TGFBR3: variants seen among roughly 807,000 people sequenced by gnomAD.
TGFBR3 encodes the protein transforming growth factor beta receptor 3.
In TGFBR3, 46 loss-of-function variants were observed where a neutral mutation model predicts 87.9. The ratio of observed to expected loss-of-function variants is 0.52; its 90% CI spans 0.41 to 0.67. TGFBR3 has a LOEUF of 0.67. Among genes scored for constraint, TGFBR3 ranks in the 30% least tolerant of loss-of-function variants. The probability of loss-of-function intolerance (pLI) is 0.00; values close to 1 mark genes in which losing one functional copy is unlikely to be tolerated. For synonymous variants in TGFBR3, 381 were observed against 391.6 expected (o/e 0.97, Z 0.32); for missense variants, 866 against 1,041.9 (o/e 0.83, Z 2.32).
At chr1:91,863,652 T>C (rs148764438) in intron 1 of TGFBR3, among the ~76,000 whole-genome samples, 12 of 152,324 alleles carry the variant, frequency 7.9e-5, no homozygotes, top group Middle Eastern at 3.4e-3. Flanking sequence ...GTTCAATCTT[T>C]TGTTTACTGA....
chr1:91,837,643 C>T (rs559018390), intron 2 of TGFBR3, among the ~76,000 whole-genome samples: 12 of 152,290 alleles, frequency 7.9e-5, no homozygotes, highest in African/African-American at 2.9e-4. Flanking sequence ...TATGTAAATA[C>T]TTACAAATAT....
At chr1:91,901,165 A>T (rs1679710614) in intron 1 of TGFBR3, among the ~76,000 whole-genome samples, 1 of 152,080 alleles carries the variant, frequency 6.6e-6, no homozygotes, top group African/African-American at 2.4e-5. Flanking sequence ...AACACTTGTT[A>T]TTTTCTGTGG....
chr1:91,735,684 A>G (rs1672944027), intron 4 of TGFBR3, among the ~76,000 whole-genome samples: 1 of 152,234 alleles, frequency 6.6e-6, no homozygotes, highest in South Asian at 2.1e-4. Flanking sequence ...ATGTATTTAG[A>G]CCACTGCTGA....
At chr1:91,894,946 T>A (rs1679523456) in intron 2 of TGFBR3, among the ~76,000 whole-genome samples, 1 of 152,106 alleles carries the variant, frequency 6.6e-6, no homozygotes, top group Admixed American at 6.5e-5. Context: ...AATTTTTTGT[T>A]TTTTTAGTAG....
At chr1:91,859,058 C>G (rs1325077120) in intron 2 of TGFBR3, among the ~76,000 whole-genome samples, 1 of 127,912 alleles carries the variant, frequency 7.8e-6, no homozygotes, top group Non-Finnish European at 1.7e-5. Flanking sequence ...GACTCTGTAT[C>G]AAAAAAAAAA....
At chr1:91,833,295 C>CAAAAAAAA (rs33915205) in intron 2 of TGFBR3, among the ~76,000 whole-genome samples, 1 of 32,040 alleles carries the variant, frequency 3.1e-5, no homozygotes, top group Non-Finnish European at 5.3e-5. Flanking sequence ...GACTCCGACT[C>CAAAAAAAA]AAAAAAAAAA....
chr1:91,776,583 AAAT>A (rs1674574068), intron 3 of TGFBR3, among the ~76,000 whole-genome samples: 1 of 152,186 alleles, frequency 6.6e-6, no homozygotes, highest in African/African-American at 2.4e-5. Flanking sequence ...TGAAAAAAAC[AAAT>A]AAAATGCCAG....
chr1:91,806,373 G>A (rs1363167389), intron 2 of TGFBR3, among the ~76,000 whole-genome samples: 5 of 152,150 alleles, frequency 3.3e-5, no homozygotes, highest in Non-Finnish European at 5.9e-5. Flanking sequence ...CGCAGACAAA[G>A]CATTTGGGAA....
chr1:91,903,554 G>A (rs1372226430), intron 1 of TGFBR3, among the ~76,000 whole-genome samples: 4 of 151,400 alleles, frequency 2.6e-5, no homozygotes, highest in East Asian at 2.0e-4. Context: ...ACCAGCCCAG[G>A]CAACATACTG....
intron 3 of TGFBR3, among the ~76,000 whole-genome samples, chr1:91,762,840 TTC>T (rs1253760558): frequency 1.3e-5 from 2 of 152,232 alleles, no homozygotes; most frequent in African/African-American, 4.8e-5. Flanking sequence ...AAAGCAGATC[TTC>T]TGAGTGTTTT....
chr1:91,717,319 C>G (rs1183454370), intron 10 of TGFBR3, among the ~76,000 whole-genome samples: 1 of 152,198 alleles, frequency 6.6e-6, no homozygotes, highest in Admixed American at 6.5e-5. Context: ...TCTTGTACCC[C>G]TCTAACTTTT....
At chr1:91,695,013 C>T (rs1671381279) in intron 16 of TGFBR3, among the ~76,000 whole-genome samples, 1 of 151,812 alleles carries the variant, frequency 6.6e-6, no homozygotes, top group Non-Finnish European at 1.5e-5. Flanking sequence ...TCTCATCAGG[C>T]TAGTATGTTT....
At chr1:91,754,280 T>TG (rs1453717404) in intron 4 of TGFBR3, among the ~76,000 whole-genome samples, 1 of 152,212 alleles carries the variant, frequency 6.6e-6, no homozygotes, top group East Asian at 1.9e-4. Context: ...ACTTTTTTTT[T>TG]CAGTGTAGAA....
At chr1:91,869,685 A>G (rs1331843716) in intron 1 of TGFBR3, among the ~76,000 whole-genome samples, 4 of 152,216 alleles carry the variant, frequency 2.6e-5, no homozygotes, top group African/African-American at 9.6e-5. Flanking sequence ...AAAAGAAAAA[A>G]TAGTACAGCA....
At chr1:91,851,112 G>C (rs985194156) in intron 2 of TGFBR3, among the ~76,000 whole-genome samples, 2 of 152,114 alleles carry the variant, frequency 1.3e-5, no homozygotes, top group East Asian at 1.9e-4. Flanking sequence ...TTTGAAGGTA[G>C]TAAAATTTTC....
chr1:91,893,382 T>A (rs1264640096), intron 2 of TGFBR3, among the ~76,000 whole-genome samples: 6 of 152,232 alleles, frequency 3.9e-5, no homozygotes, highest in African/African-American at 1.4e-4. Flanking sequence ...CCTCCCGGGT[T>A]CAAGCAATTC....
chr1:91,835,609 A>G (rs1232027656), intron 2 of TGFBR3, among the ~76,000 whole-genome samples: 1 of 151,946 alleles, frequency 6.6e-6, no homozygotes, highest in Admixed American at 6.6e-5. Flanking sequence ...TGGGCAGATC[A>G]TGAGGTCAGG....
At chr1:91,902,268 C>CTT (rs141866290) in intron 1 of TGFBR3, among the ~76,000 whole-genome samples, 15,816 of 125,200 alleles carry the variant, frequency 0.13, 1,155 homozygotes, top group African/African-American at 0.25. Flanking sequence ...CTTTCCTTTT[C>CTT]TTTTGTGTGT....
intron 3 of TGFBR3, among the ~76,000 whole-genome samples, chr1:91,768,104 C>G: frequency 6.6e-6 from 1 of 151,500 alleles, no homozygotes; most frequent in Middle Eastern, 3.4e-3. Flanking sequence ...TCCAGCTACT[C>G]AGGAGGCTGA....
Sources: allele counts gnomAD v4.1 joint callset (sites outside exome capture counted in the v4.1 genomes callset), GRCh38; gene constraint gnomAD v4.1.1; transcripts MANE v1.5; gene names NCBI Gene and HGNC (gene_info 2026-07-23, HGNC 2026-07-21).